Variants in LCLAT1 observed in about 807,000 individuals in gnomAD.
LCLAT1 encodes lysocardiolipin acyltransferase 1.
A neutral mutation model predicts 30.7 loss-of-function variants in LCLAT1; 11 were observed. The ratio of observed to expected loss-of-function variants is 0.36; its 90% CI spans 0.23 to 0.59. The LOEUF is 0.59. Among genes scored for constraint, LCLAT1 ranks in the 20% least tolerant of loss-of-function variants. LCLAT1 has a pLI of 0.77. For missense variants in LCLAT1, 402 were observed against 458.6 expected, an observed-to-expected ratio of 0.88 and a Z score of 1.13; for synonymous variants, 155 against 151.3, an observed-to-expected ratio of 1.02 and a Z score of -0.18.
At chr2:30,463,900 C>A (rs1210894266) in intron 1 of LCLAT1, among the ~76,000 whole-genome samples, 1 of 152,188 alleles carries the variant, frequency 6.6e-6, no homozygotes, top group Non-Finnish European at 1.5e-5. Context: ...TATACTATTT[C>A]TAATTTTCAC....
chr2:30,476,515 T>C (rs1159138377), intron 1 of LCLAT1: 2 of 456,436 alleles, frequency 4.4e-6, no homozygotes, highest in Admixed American at 2.3e-5. Flanking sequence ...GGGATCTAGG[T>C]TGCATGTTCC....
At chr2:30,602,466 C>T (rs1312419836) in intron 5 of LCLAT1, among the ~76,000 whole-genome samples, 1 of 152,170 alleles carries the variant, frequency 6.6e-6, no homozygotes, top group Non-Finnish European at 1.5e-5. Flanking sequence ...CGGTGGTCCC[C>T]ACCTTACCCT....
chr2:30,573,547 GT>G, intron 5 of LCLAT1, among the ~76,000 whole-genome samples: 1 of 152,166 alleles, frequency 6.6e-6, no homozygotes, highest in African/African-American at 2.4e-5. Flanking sequence ...TGTACCATTT[GT>G]TCTAGCCTTA....
intron 5 of LCLAT1, among the ~76,000 whole-genome samples, chr2:30,588,565 G>A (rs1258845273): frequency 3.3e-5 from 5 of 152,026 alleles, no homozygotes; most frequent in African/African-American, 1.2e-4. Flanking sequence ...TTTTGTTTTT[G>A]TTATTTTTGT....
chr2:30,461,617 T>A (rs1682133175), intron 1 of LCLAT1, among the ~76,000 whole-genome samples: 1 of 152,072 alleles, frequency 6.6e-6, no homozygotes, highest in Non-Finnish European at 1.5e-5. Flanking sequence ...ACTTGCCCAT[T>A]GTCACAGAGC....
intron 1 of LCLAT1, among the ~76,000 whole-genome samples, chr2:30,476,967 T>G (rs1232332926): frequency 6.6e-6 from 1 of 152,238 alleles, no homozygotes; most frequent in Non-Finnish European, 1.5e-5. Flanking sequence ...AATTTGTACA[T>G]AAGTTTTGCA....
intron 5 of LCLAT1, among the ~76,000 whole-genome samples, chr2:30,623,256 T>G (rs535648041): frequency 6.6e-6 from 1 of 151,900 alleles, no homozygotes; most frequent in African/African-American, 2.4e-5. Context: ...GGGTTTCACC[T>G]TATTAGCCAG....
At chr2:30,514,193 G>A (rs1338842351) in intron 1 of LCLAT1, among the ~76,000 whole-genome samples, 2 of 152,164 alleles carry the variant, frequency 1.3e-5, no homozygotes, top group Non-Finnish European at 2.9e-5. Flanking sequence ...TTGCTTTTGA[G>A]GCTTTTGTTT....
Position 30,640,384 on chromosome 2 carries a change from A to C in LCLAT1, c.896A>C (p.Lys299Thr). Residue 299 changes from lysine (K) to threonine (T), a missense_variant, in exon 6 of 6, where the codon AAG (lysine) becomes ACG (threonine). Lys to Thr is a moderately conservative substitution (Grantham distance 78, BLOSUM62 -1). Coordinates refer to ENST00000379509, the MANE Select transcript of LCLAT1 (RefSeq NM_001002257.3). Reference sequence around the variant, plus strand: ...GGACAGAGTGTCATTCCACCTTGCAAGTCTGAACTCAGGGTCCTTGTGGTC... The same window carrying C: ...GGACAGAGTGTCATTCCACCTTGCACGTCTGAACTCAGGGTCCTTGTGGTC... ...FTGQSVIPPCKSELRVLVVKL... is the reference protein window; with the variant it reads ...FTGQSVIPPCTSELRVLVVKL... The C allele has an allele frequency of 1.2e-6, 2 of 1,614,208 alleles. No homozygotes were observed. The highest frequency in any genetic ancestry group is 1.7e-6 in the Non-Finnish European group (2 of 1,180,042).
chr2:30,565,862 T>G (rs1414591920), intron 4 of LCLAT1, among the ~76,000 whole-genome samples: 1 of 152,120 alleles, frequency 6.6e-6, no homozygotes, highest in African/African-American at 2.4e-5. Context: ...TAAGTTTCTG[T>G]TTAAGTAGGG....
intron 5 of LCLAT1, among the ~76,000 whole-genome samples, chr2:30,616,669 T>C (rs958580): frequency 0.36 from 55,215 of 151,966 alleles, 10,446 homozygotes; most frequent in East Asian, 0.61. Flanking sequence ...GTCCTAGAAA[T>C]TTTTAAATGT....
intron 5 of LCLAT1, among the ~76,000 whole-genome samples, chr2:30,574,150 T>A (rs997442257): frequency 1.5e-4 from 22 of 151,184 alleles, no homozygotes; most frequent in Non-Finnish European, 2.4e-4. Flanking sequence ...CTCAAAAAAA[T>A]AATAATAATA....
At position 30,516,576 on chromosome 2, in the gene LCLAT1, G is replaced by A. The variant is rs114596435; in HGVS notation, c.-4-9011G>A. On this transcript the variant is annotated intron_variant, in intron 1 of 5. Coordinates refer to ENST00000379509, the MANE Select transcript of LCLAT1 (RefSeq NM_001002257.3). ...CTAACAGAGCTATAACACTCCCCTC[G>A]TGGCCCAAGGTTCCATTCCTTGGAA... Among the ~76,000 whole-genome samples, 1,062 of 152,150 alleles carry A rather than the reference G, an allele frequency of 7.0e-3. 11 individuals carry two copies. The highest frequency in any genetic ancestry group is 0.024 in the African/African-American group (1,006 of 41,506).
At chr2:30,462,570 G>C (rs1025879073) in intron 1 of LCLAT1, among the ~76,000 whole-genome samples, 3 of 152,164 alleles carry the variant, frequency 2.0e-5, no homozygotes, top group Non-Finnish European at 4.4e-5. Context: ...TTTATCTGGG[G>C]GAAACTTCTG....
intron 1 of LCLAT1, among the ~76,000 whole-genome samples, chr2:30,509,988 C>G (rs1166536458): frequency 6.6e-6 from 1 of 152,124 alleles, no homozygotes; most frequent in Non-Finnish European, 1.5e-5. Flanking sequence ...AGGATTTGTG[C>G]CAGGTTCACC....
intron 3 of LCLAT1, among the ~76,000 whole-genome samples, chr2:30,538,747 C>T (rs1340515968): frequency 1.3e-5 from 2 of 151,952 alleles, no homozygotes; most frequent in African/African-American, 2.4e-5. Context: ...GAGAATATTA[C>T]GAATTACTAT....
intron 5 of LCLAT1, among the ~76,000 whole-genome samples, chr2:30,605,769 C>A (rs762260315): frequency 2.0e-5 from 3 of 152,092 alleles, no homozygotes; most frequent in South Asian, 2.1e-4. Context: ...ATGAGCAAAT[C>A]TTTTATGTCA....
At chr2:30,502,125 C>G (rs1000621262) in intron 1 of LCLAT1, among the ~76,000 whole-genome samples, 1 of 152,120 alleles carries the variant, frequency 6.6e-6, no homozygotes, top group Non-Finnish European at 1.5e-5. Flanking sequence ...GCAGGGACAG[C>G]CATTGGTAAC....
At chr2:30,633,588 G>A (rs1572723120) in intron 5 of LCLAT1, among the ~76,000 whole-genome samples, 1 of 152,164 alleles carries the variant, frequency 6.6e-6, no homozygotes, top group African/African-American at 2.4e-5. Context: ...GGGAGGCTGA[G>A]GCAGGAGAAT....
Sources: gnomAD v4.1 joint callset for allele counts (sites outside exome capture counted in the v4.1 genomes callset) on GRCh38, gnomAD v4.1.1 for gene constraint, MANE v1.5 for transcripts, NCBI Gene and HGNC (gene_info 2026-07-23, HGNC 2026-07-21) for gene names.